The following PCDHGA4 variants were observed in gnomAD, a reference collection of about 807,000 sequenced individuals.
PCDHGA4 encodes the protein protocadherin gamma subfamily A, 4, also known as protocadherin gamma-A4.
A neutral mutation model predicts 54.6 loss-of-function variants in PCDHGA4; 38 were observed. That is an observed-to-expected ratio of 0.70 (90% CI 0.54 to 0.91). The LOEUF (loss-of-function observed/expected upper bound fraction) is 0.91, where lower values mean the gene tolerates loss of function less well. Ranked by LOEUF, PCDHGA4 falls within the 40% of genes least tolerant of loss-of-function variation. The pLI is 0.00. For synonymous variants in PCDHGA4, 511 were observed against 512.9 expected (o/e 1.00, Z 0.05); for missense variants, 1,298 against 1,220.9 (o/e 1.06, Z -0.94).
intron 1 of PCDHGA4, chr5:141,413,972 T>G: frequency 6.2e-7 from 1 of 1,613,420 alleles, no homozygotes; most frequent in Non-Finnish European, 8.5e-7. Context: ...ACTCAGCTGC[T>G]GACAGTCACA....
chr5:141,359,240 G>A (rs1217262882), intron 1 of PCDHGA4, among the ~76,000 whole-genome samples: 1 of 152,062 alleles, frequency 6.6e-6, no homozygotes, highest in African/African-American at 2.4e-5. Flanking sequence ...ATTGTTTAAA[G>A]TAATTAAGCC....
intron 1 of PCDHGA4, among the ~76,000 whole-genome samples, chr5:141,435,652 G>C (rs978809372): frequency 6.6e-6 from 1 of 152,108 alleles, no homozygotes; most frequent in Non-Finnish European, 1.5e-5. Context: ...TTTCTGAAAC[G>C]TGCACAGATT....
In PCDHGA4 at chr5:141,430,937, G is replaced by C. The variant is rs888990395; in HGVS notation, c.2515-63870G>C. ...CCTGGGGCTGGAGCCCCGGGAGCTC[G>C]CGGAGCGCGGAGTCCGCATCATCCC... On this transcript the variant is annotated intron_variant, in intron 1 of 3. Coordinates refer to ENST00000571252, the MANE Select transcript of PCDHGA4 (RefSeq NM_018917.4). The C allele has an allele frequency of 8.7e-6, 14 of 1,607,498 alleles. No individual in the cohort carries two copies. The highest frequency in any genetic ancestry group is 1.7e-5 in the Admixed American group (1 of 58,732).
chr5:141,465,313 T>C (rs113508011), intron 1 of PCDHGA4, among the ~76,000 whole-genome samples: 5 of 152,312 alleles, frequency 3.3e-5, no homozygotes, highest in Admixed American at 6.5e-5. Context: ...AATTTAGCCA[T>C]GTCAATGCAG....
At chr5:141,394,802 C>G (rs773531449) in intron 1 of PCDHGA4, 1 of 1,613,810 alleles carries the variant, frequency 6.2e-7, no homozygotes, top group South Asian at 1.1e-5. Context: ...TCACCGTAGC[C>G]GTGGCTGACA....
intron 1 of PCDHGA4, among the ~76,000 whole-genome samples, chr5:141,451,302 G>T (rs1445994098): frequency 6.6e-6 from 1 of 152,208 alleles, no homozygotes; most frequent in Non-Finnish European, 1.5e-5. Context: ...GTCTTACAAG[G>T]CAGCAATTAA....
intron 2 of PCDHGA4, 84 bp downstream of exon 2, chr5:141,494,949 C>A (rs1193148622): frequency 6.2e-7 from 1 of 1,606,850 alleles, no homozygotes; most frequent in Non-Finnish European, 8.5e-7. Context: ...GAGGGCCCAG[C>A]ATTTGCTACA....
intron 1 of PCDHGA4, chr5:141,395,486 A>G: frequency 2.0e-6 from 1 of 510,062 alleles, no homozygotes; most frequent in Non-Finnish European, 3.4e-6. Flanking sequence ...TATTCCTATT[A>G]TCACTCATTC....
At chr5:141,413,316 T>C (rs769316460) in intron 1 of PCDHGA4, 13 of 1,613,976 alleles carry the variant, frequency 8.1e-6, no homozygotes, top group Non-Finnish European at 1.1e-5. Flanking sequence ...AGAAAGGCTC[T>C]TTCGTGGGCA....
chr5:141,503,222 G>C (rs540244346), intron 2 of PCDHGA4, among the ~76,000 whole-genome samples: 1 of 152,120 alleles, frequency 6.6e-6, no homozygotes, highest in Middle Eastern at 3.4e-3. Context: ...CATGAGCACC[G>C]TAAAGATGGA....
At chr5:141,488,872 T>C (rs773185475) in intron 1 of PCDHGA4, among the ~76,000 whole-genome samples, 4 of 151,794 alleles carry the variant, frequency 2.6e-5, no homozygotes, top group Non-Finnish European at 5.9e-5. Flanking sequence ...AGTGGGGAGG[T>C]AGGAAGCTTC....
At chr5:141,375,611 G>C (rs1049659012) in intron 1 of PCDHGA4, 3 of 1,614,060 alleles carry the variant, frequency 1.9e-6, no homozygotes, top group African/African-American at 1.3e-5. Context: ...CATCAACTCC[G>C]ACACTGGGAT....
At chr5:141,415,597 A>G (rs1206125540) in intron 1 of PCDHGA4, 2 of 1,613,800 alleles carry the variant, frequency 1.2e-6, no homozygotes, top group South Asian at 1.1e-5. Flanking sequence ...TATAGAGGAT[A>G]CCCCATTGGT....
chr5:141,456,578 C>G (rs959608396), intron 1 of PCDHGA4, among the ~76,000 whole-genome samples: 10 of 152,182 alleles, frequency 6.6e-5, no homozygotes, highest in African/African-American at 1.7e-4. Flanking sequence ...TTTCCCTGAG[C>G]CTGTCAATAA....
intron 1 of PCDHGA4, chr5:141,427,032 A>G (rs1227315080): frequency 2.2e-6 from 1 of 457,206 alleles, no homozygotes; most frequent in East Asian, 6.9e-5. Flanking sequence ...AGTCAGCCTT[A>G]GAGAGAATGT....
intron 1 of PCDHGA4, chr5:141,441,078 G>T (rs1443239760): frequency 2.0e-5 from 3 of 152,140 alleles, no homozygotes; most frequent in Non-Finnish European, 4.4e-5. Context: ...CCATGGTTTT[G>T]GTAGCAAGTG....
At chr5:141,433,084 T>G in intron 1 of PCDHGA4, 1 of 1,614,184 alleles carries the variant, frequency 6.2e-7, no homozygotes, top group Non-Finnish European at 8.5e-7. Flanking sequence ...AGCCCAACTA[T>G]GCAGACATGC....
intron 1 of PCDHGA4, chr5:141,415,857 T>G (rs1271614762): frequency 1.7e-6 from 2 of 1,194,900 alleles, no homozygotes; most frequent in Non-Finnish European, 2.2e-6. Flanking sequence ...AACCTTGTAG[T>G]TTATAGTGTT....
At position 141,357,321 on chromosome 5, in the gene PCDHGA4, T is replaced by A. The variant is rs1203319140; in HGVS notation, c.2214T>A (p.Phe738Leu). 1 of 1,613,998 alleles carries A rather than the reference T, an allele frequency of 6.2e-7. No individual in the cohort carries two copies. The highest frequency in any genetic ancestry group is 8.5e-7 in the Non-Finnish European group (1 of 1,179,954). ...VAAVSCVFLA[F>L]VTVLLALKLR... is the part of the protein sequence containing the mutation. ...CTGTCTCCTGCGTCTTCCTGGCTTT[T>A]GTCACGGTGCTGCTAGCACTCAAGC... Residue 738 changes from phenylalanine to leucine, a missense_variant, in exon 1 of 4, where the codon TTT becomes TTA. Transcript: ENST00000571252.
Sources: allele counts gnomAD v4.1 joint callset (sites outside exome capture counted in the v4.1 genomes callset), GRCh38; gene constraint gnomAD v4.1.1; transcripts MANE v1.5; gene names NCBI Gene and HGNC (gene_info 2026-07-23, HGNC 2026-07-21).